BCAS3: variants seen among roughly 807,000 people sequenced by gnomAD.
BCAS3 encodes BCAS3 microtubule associated cell migration factor, also known as BCAS4/BCAS3 fusion.
A neutral mutation model predicts 116.1 loss-of-function variants in BCAS3; 53 were observed. That is an observed-to-expected ratio of 0.46 (90% confidence interval 0.37 to 0.57). The LOEUF is 0.57. Among genes scored for constraint, BCAS3 ranks in the 20% least tolerant of loss-of-function variants. BCAS3 has a pLI of 0.00. For missense variants in BCAS3, 917 were observed against 1,165.4 expected (o/e 0.79, Z 3.10); for synonymous variants, 391 against 408.2 (o/e 0.96, Z 0.51).
chr17:60,939,112 T>G (rs778092113), intron 13 of BCAS3, among the ~76,000 whole-genome samples: 4 of 152,186 alleles, frequency 2.6e-5, no homozygotes, highest in Non-Finnish European at 5.9e-5. Flanking sequence ...TGAATGTTCA[T>G]AGCTGTTTGA....
rs753383325 is a variant in BCAS3, at chr17:61,084,558, GCCTCAGGTAGAAAACCA to G, written c.2424_2425+15del. The G allele has an allele frequency of 6.2e-7, 1 of 1,612,848 alleles. No homozygotes were observed. The highest frequency in any genetic ancestry group is 8.5e-7 in the Non-Finnish European group (1 of 1,178,886). The stretch of plus-strand genomic sequence containing the variant: ...GGGAGTTTCCACAGTGATTGATGCT[GCCTCAGGTAGAAAACCA>G]CCTCTGAAATATTTATTGGGCAGTC... On this transcript the variant is annotated splice_donor_variant and splice_donor_5th_base_variant and coding_sequence_variant and intron_variant, in exon 22 of 24. Coordinates refer to ENST00000407086, the MANE Select transcript of BCAS3 (RefSeq NM_017679.5). LOFTEE classifies it high-confidence loss of function. The surrounding 1 kb of genome is among the most constrained non-coding windows in gnomAD (Gnocchi z 5.5).
At chr17:60,866,140 T>C (rs1416197851) in intron 7 of BCAS3, among the ~76,000 whole-genome samples, 2 of 152,116 alleles carry the variant, frequency 1.3e-5, no homozygotes, top group East Asian at 3.8e-4. Flanking sequence ...TAATTTTTTT[T>C]TTTTTTTTGA....
rs1276071429 is a variant in BCAS3, at chr17:61,087,969, G to T, written c.2425+3405G>T. ...AGGCCGAAGCGGTGGATCACTTGAG[G>T]TCAGGTGTTTGAGACCAGCCTGGCT... is the stretch of plus-strand genomic sequence containing the variant. On this transcript the variant is annotated intron_variant, in intron 22 of 23. Transcript: ENST00000407086. This position sits in a 1 kb window ranked among gnomAD's most constrained non-coding sequence, Gnocchi z 4.6. 1.3e-5 allele frequency among the ~76,000 whole-genome samples: 2 copies of T among 152,074 alleles called. No homozygotes were observed. Among genetic ancestry groups the T allele is most frequent in the Admixed American group, 6.6e-5 (1 of 15,262 alleles).
chr17:61,210,538 G>A (rs2081396958), intron 22 of BCAS3, among the ~76,000 whole-genome samples: 1 of 152,190 alleles, frequency 6.6e-6, no homozygotes, highest in South Asian at 2.1e-4. Flanking sequence ...TGCCTAGTGG[G>A]TAAGAGTAAG....
Position 60,754,718 on chromosome 17 carries a change from CACACACACACACACACACACACAGAG to C in BCAS3, c.403+7440_403+7465del, listed in dbSNP as rs1348882053. Among the ~76,000 whole-genome samples, 25 of 11,830 alleles carry C rather than the reference CACACACACACACACACACACACAGAG, an allele frequency of 2.1e-3. 2 individuals carry two copies. The highest frequency in any genetic ancestry group is 0.25 in the Middle Eastern group (1 of 4). The allele number at this position is 11,830 out of a possible 152,430, so 7.8% of individuals were successfully genotyped here. ...ACACACACACACACACACACACACA[CACACACACACACACACACACACAGAG>C]TCTGTTCAGCCGAAACACTAGCAAG... On this transcript the variant is annotated intron_variant, in intron 6 of 23. Transcript: ENST00000407086.
chr17:60,746,981 A>G (rs895767145), intron 5 of BCAS3, among the ~76,000 whole-genome samples: 3 of 152,154 alleles, frequency 2.0e-5, no homozygotes, highest in African/African-American at 4.8e-5. Context: ...TTTTCTGTTC[A>G]TATCAAGTGT....
intron 13 of BCAS3, among the ~76,000 whole-genome samples, chr17:60,927,145 G>A (rs1205789625): frequency 6.6e-5 from 10 of 152,110 alleles, no homozygotes; most frequent in Non-Finnish European, 1.5e-4. Context: ...GTAGATGTAT[G>A]GCACTGTATT....
intron 9 of BCAS3, among the ~76,000 whole-genome samples, chr17:60,882,146 G>C (rs1198352631): frequency 1.3e-5 from 2 of 152,026 alleles, no homozygotes; most frequent in Non-Finnish European, 2.9e-5. Context: ...ACTGGTGTGA[G>C]ATGGTATCTC....
In BCAS3 at chr17:61,042,891, CAA is replaced by C. The variant is rs35629825; in HGVS notation, c.2029+2022_2029+2023del. ...GGCAACAGAGCAAGACTCCATCTCA[CAA>C]AAAAAAAAAAAAAAAAAAAAAAGAA... On this transcript the variant is annotated intron_variant, in intron 19 of 23. Transcript: ENST00000407086. Among the ~76,000 whole-genome samples, 196 of 58,274 alleles carry C rather than the reference CAA, an allele frequency of 3.4e-3. 1 individual carries two copies. Among genetic ancestry groups the C allele is most frequent in the Admixed American group, 5.8e-3 (26 of 4,460 alleles). 38.2% of individuals were successfully genotyped at this position (58,274 alleles called of 152,430 possible). A position where few individuals can be genotyped will look rare whatever the true frequency, so the allele number is the denominator to read the frequency against.
chr17:61,063,519 G>A lies in BCAS3; in HGVS notation c.2030-11401G>A, dbSNP rs1236663812. On this transcript the variant is annotated intron_variant, in intron 19 of 23. Transcript: ENST00000407086. The surrounding 1 kb of genome is among the most constrained non-coding windows in gnomAD (Gnocchi z 5.3). ...TCTTGATCTCGTGATCCGCCACCTCGGCCTCCCAAAGTGCTGGGATTACAG... is the reference window on the plus strand; with the variant it reads ...TCTTGATCTCGTGATCCGCCACCTCAGCCTCCCAAAGTGCTGGGATTACAG... 1.3e-5 allele frequency among the ~76,000 whole-genome samples: 2 copies of A among 151,950 alleles called. No individual in the cohort carries two copies. Among genetic ancestry groups the A allele is most frequent in the Non-Finnish European group, 2.9e-5 (2 of 67,996 alleles).
Position 61,349,124 on chromosome 17 carries a change from A to G in BCAS3, c.2426-19203A>G, listed in dbSNP as rs1312737007. On this transcript the variant is annotated intron_variant, in intron 22 of 23. Coordinates refer to ENST00000407086, the MANE Select transcript of BCAS3 (RefSeq NM_017679.5). The surrounding 1 kb of genome is among the most constrained non-coding windows in gnomAD (Gnocchi z 4.7). ...GAGCAGTGGTTCCCAAAATCCCTGGATAAGAATCCAGTCCTACCCTAGAAT... is the reference window on the plus strand; with the variant it reads ...GAGCAGTGGTTCCCAAAATCCCTGGGTAAGAATCCAGTCCTACCCTAGAAT... Among the ~76,000 whole-genome samples, 2 of 152,176 alleles carry G rather than the reference A, an allele frequency of 1.3e-5. No individual in the cohort carries two copies. Among genetic ancestry groups the G allele is most frequent in the Non-Finnish European group, 2.9e-5 (2 of 68,018 alleles).
intron 22 of BCAS3, among the ~76,000 whole-genome samples, chr17:61,232,066 G>A (rs1197088875): frequency 2.0e-5 from 3 of 148,626 alleles, no homozygotes; most frequent in East Asian, 2.0e-4. Context: ...TTAGCTAGGC[G>A]TGATGGTGGG....
At chr17:61,107,082 CTTTTTTTT>C (rs755754824) in intron 22 of BCAS3, among the ~76,000 whole-genome samples, 1 of 106,370 alleles carries the variant, frequency 9.4e-6, no homozygotes, top group Admixed American at 1.2e-4. Context: ...ACTAGGCTTA[CTTTTTTTT>C]TTTTTTTTTT....
At chr17:60,948,411 A>G (rs2060643661) in intron 14 of BCAS3, among the ~76,000 whole-genome samples, 1 of 152,206 alleles carries the variant, frequency 6.6e-6, no homozygotes, top group Admixed American at 6.5e-5. Context: ...GGCATGAGCC[A>G]CCGCGCCTGG....
intron 7 of BCAS3, among the ~76,000 whole-genome samples, chr17:60,837,460 G>A (rs1457019496): frequency 6.6e-6 from 1 of 151,970 alleles, no homozygotes; most frequent in African/African-American, 2.4e-5. Context: ...ATGAAAGAAG[G>A]GGCATCACTA....
At chr17:61,266,264 T>G (rs183552063) in intron 22 of BCAS3, among the ~76,000 whole-genome samples, 3 of 152,318 alleles carry the variant, frequency 2.0e-5, no homozygotes, top group East Asian at 3.9e-4. Flanking sequence ...CATGCAATGC[T>G]AAGAAGAGAC....
intron 22 of BCAS3, among the ~76,000 whole-genome samples, chr17:61,250,450 A>G (rs189969644): frequency 6.7e-4 from 102 of 152,310 alleles, no homozygotes; most frequent in Middle Eastern, 6.8e-3. Context: ...CATTTTAAAG[A>G]GTTGCTTTAG....
rs1488316864 is a variant in BCAS3 at position 60,993,306 on chromosome 17, A to G, written c.1486+3071A>G. Among the ~76,000 whole-genome samples the G allele has an allele frequency of 1.3e-5, 2 of 152,236 alleles. No individual in the cohort carries two copies. Among genetic ancestry groups the G allele is most frequent in the African/African-American group, 4.8e-5 (2 of 41,462 alleles). ...ACAGTAGTTAAAGAGCAATACTACT[A>G]GATTTCCAAGTCAAAATATATTGTT... On this transcript the variant is annotated intron_variant, in intron 15 of 23. Transcript: ENST00000407086. This position sits in a 1 kb window ranked among gnomAD's most constrained non-coding sequence, Gnocchi z 4.2.
Position 60,678,097 on chromosome 17 carries a change from G to A in BCAS3, c.-6+183G>A, listed in dbSNP as rs1003574879. 3.4e-4 allele frequency among the ~76,000 whole-genome samples: 52 copies of A among 152,190 alleles called. 1 individual carries two copies. Among genetic ancestry groups the A allele is most frequent in the Admixed American group, 6.5e-5 (1 of 15,280 alleles). On this transcript the variant is annotated intron_variant, in intron 1 of 23. Coordinates refer to ENST00000407086, the MANE Select transcript of BCAS3 (RefSeq NM_017679.5). ...GGGGCAGCGGTGGCTCCGTGTTGGA[G>A]GTTAAGTGGGCAGCGCCGTACGAGT... is the stretch of plus-strand genomic sequence containing the variant.
Sources: allele counts gnomAD v4.1 joint callset (sites outside exome capture counted in the v4.1 genomes callset), GRCh38; gene constraint gnomAD v4.1.1; non-coding constraint Gnocchi (gnomAD v3.1); transcripts MANE v1.5; gene names NCBI Gene and HGNC (gene_info 2026-07-23, HGNC 2026-07-21).